HYCC1: variants seen among roughly 807,000 people sequenced by gnomAD.
HYCC1 encodes hyccin.
the HYCC1 span, among the ~76,000 whole-genome samples, chr7:23,012,170 C>A: frequency 6.6e-6 from 1 of 152,026 alleles, no homozygotes; most frequent in Non-Finnish European, 1.5e-5. Flanking sequence ...CAAAATAGGT[C>A]TTGAATACTA....
the HYCC1 span, among the ~76,000 whole-genome samples, chr7:23,010,423 C>T: frequency 6.6e-6 from 1 of 152,140 alleles, no homozygotes; most frequent in Non-Finnish European, 1.5e-5. Context: ...GGTTTTCAAC[C>T]ATGGCTGCAC....
At chr7:22,933,016 C>G in the HYCC1 span, among the ~76,000 whole-genome samples, 5 of 152,144 alleles carry the variant, frequency 3.3e-5, no homozygotes, top group African/African-American at 1.2e-4. Flanking sequence ...CAAGCCAAGA[C>G]CTGCCAGGAA....
chr7:22,914,654 T>G, the HYCC1 span, among the ~76,000 whole-genome samples: 1 of 152,148 alleles, frequency 6.6e-6, no homozygotes, highest in Non-Finnish European at 1.5e-5. Flanking sequence ...CTCCCTAGTC[T>G]CTGCTCCCAA....
the HYCC1 span, among the ~76,000 whole-genome samples, chr7:22,961,831 GTGTGCATGTGTGTGTGTGTC>G: frequency 2.4e-4 from 37 of 152,084 alleles, no homozygotes; most frequent in Admixed American, 6.5e-4. Context: ...GAAAAAGTGT[GTGTGCATGTGTGTGTGTGTC>G]TGTGCATGTG....
the HYCC1 span, among the ~76,000 whole-genome samples, chr7:22,995,682 T>C: frequency 6.6e-6 from 1 of 152,082 alleles, no homozygotes; most frequent in Admixed American, 6.6e-5. Flanking sequence ...AATAAGAGAA[T>C]AGGAGATAAA....
chr7:22,947,329 A>G, the HYCC1 span: 8 of 1,141,748 alleles, frequency 7.0e-6, no homozygotes, highest in African/African-American at 1.1e-4. Flanking sequence ...GACTCAAAAC[A>G]AAAATTAGAT....
chr7:23,000,594 C>T, the HYCC1 span, among the ~76,000 whole-genome samples: 4 of 152,228 alleles, frequency 2.6e-5, no homozygotes, highest in South Asian at 6.2e-4. Flanking sequence ...TACACTATTA[C>T]TATTATATTT....
the HYCC1 span, among the ~76,000 whole-genome samples, chr7:22,962,962 TACCAGGTAGC>T: frequency 1.3e-5 from 2 of 152,050 alleles, no homozygotes; most frequent in African/African-American, 4.8e-5. Context: ...TCCACCTAAG[TACCAGGTAGC>T]ACTAGAGGAA....
the HYCC1 span, among the ~76,000 whole-genome samples, chr7:22,948,676 G>A: frequency 6.6e-6 from 1 of 151,962 alleles, no homozygotes; most frequent in Admixed American, 6.6e-5. Context: ...AAGCTTCATG[G>A]TGCCTCGCAC....
At chr7:22,927,648 T>A in the HYCC1 span, among the ~76,000 whole-genome samples, 1 of 152,064 alleles carries the variant, frequency 6.6e-6, no homozygotes, top group Admixed American at 6.6e-5. Flanking sequence ...GAAGTTGAAT[T>A]TCTGAATAGA....
the HYCC1 span, among the ~76,000 whole-genome samples, chr7:22,922,373 T>C: frequency 6.6e-6 from 1 of 152,192 alleles, no homozygotes. Context: ...ATATTATAAG[T>C]CAAAAATGCA....
At chr7:22,972,066 T>C in the HYCC1 span, among the ~76,000 whole-genome samples, 2 of 152,108 alleles carry the variant, frequency 1.3e-5, no homozygotes, top group African/African-American at 4.8e-5. Context: ...GATACAGTCA[T>C]AGCAAACAGG....
chr7:23,001,731 C>A, the HYCC1 span, among the ~76,000 whole-genome samples: 5 of 152,074 alleles, frequency 3.3e-5, no homozygotes, highest in Admixed American at 6.6e-5. Context: ...TGAGAAAAAT[C>A]TATCAACTGG....
At chr7:22,944,029 G>A in the HYCC1 span, 2 of 152,256 alleles carry the variant, frequency 1.3e-5, no homozygotes, top group African/African-American at 4.8e-5. Context: ...TAAATGCTTT[G>A]GCAGCCTTCA....
the HYCC1 span, among the ~76,000 whole-genome samples, chr7:23,002,094 C>T: frequency 6.9e-6 from 1 of 144,728 alleles, no homozygotes; most frequent in Non-Finnish European, 1.5e-5. Context: ...ACTTGATATA[C>T]AACTCAATTA....
At chr7:22,899,209 G>A in the HYCC1 span, among the ~76,000 whole-genome samples, 95,630 of 151,778 alleles carry the variant, frequency 0.63, 30,113 homozygotes, top group Non-Finnish European at 0.65. Flanking sequence ...AAACAGTCCT[G>A]CACAATCAAT....
chr7:22,897,935 G>C, the HYCC1 span, among the ~76,000 whole-genome samples: 4 of 151,838 alleles, frequency 2.6e-5, no homozygotes, highest in South Asian at 4.2e-4. Context: ...CACCTGGCTT[G>C]AGCATTCTTA....
the HYCC1 span, among the ~76,000 whole-genome samples, chr7:23,004,953 G>A: frequency 5.3e-5 from 8 of 151,952 alleles, no homozygotes; most frequent in South Asian, 2.1e-4. Context: ...CTACAAGCAC[G>A]TGCCACCATG....
At chr7:23,002,382 A>T in the HYCC1 span, among the ~76,000 whole-genome samples, 2 of 151,954 alleles carry the variant, frequency 1.3e-5, no homozygotes, top group African/African-American at 2.4e-5. Flanking sequence ...AATCAACATC[A>T]TATTAAAAAG....
Sources: allele counts gnomAD v4.1 joint callset (sites outside exome capture counted in the v4.1 genomes callset), GRCh38; gene constraint gnomAD v4.1.1; transcripts MANE v1.5; gene names NCBI Gene and HGNC (gene_info 2026-07-23, HGNC 2026-07-21).